The following ANTXR1 variants were observed in gnomAD, a reference collection of about 807,000 sequenced individuals.
ANTXR1 encodes anthrax toxin receptor 1.
ANTXR1 carries 19 observed loss-of-function variants against 78.1 expected under a neutral mutation model. That is an observed-to-expected ratio of 0.24 (90% confidence interval 0.17 to 0.36). The LOEUF (loss-of-function observed/expected upper bound fraction) is 0.36, where lower values mean the gene tolerates loss of function less well. Among genes scored for constraint, ANTXR1 ranks in the 10% least tolerant of loss-of-function variants. ANTXR1 has a pLI of 1.00. For synonymous variants in ANTXR1, 273 were observed against 260.5 expected (o/e 1.05, Z -0.46); for missense variants, 518 against 718.6 (o/e 0.72, Z 3.19).
intron 1 of ANTXR1, among the ~76,000 whole-genome samples, chr2:69,029,731 G>A (rs1671471227): frequency 6.6e-6 from 1 of 151,852 alleles, no homozygotes; most frequent in Non-Finnish European, 1.5e-5. Flanking sequence ...TTTTAAAATT[G>A]TATTACTTAC....
chr2:69,055,214 G>A (rs1379725567), intron 3 of ANTXR1, among the ~76,000 whole-genome samples: 1 of 152,162 alleles, frequency 6.6e-6, no homozygotes. Flanking sequence ...GTGATTCAAA[G>A]GGTGAGTCCC....
At chr2:69,031,853 C>T (rs1671537849) in intron 1 of ANTXR1, among the ~76,000 whole-genome samples, 1 of 152,208 alleles carries the variant, frequency 6.6e-6, no homozygotes, top group Admixed American at 6.5e-5. Flanking sequence ...AACTTTTTCC[C>T]CTTTTCTGCA....
intron 13 of ANTXR1, among the ~76,000 whole-genome samples, chr2:69,167,611 T>G (rs1355857080): frequency 3.3e-5 from 5 of 152,186 alleles, no homozygotes; most frequent in Non-Finnish European, 7.4e-5. Context: ...TGCCATCCTG[T>G]GGTGAGCTGC....
rs1676014001 is a variant in ANTXR1 at position 69,246,044 on chromosome 2, C to G, written c.*559C>G. The G allele has an allele frequency of 6.5e-6, 1 of 152,682 alleles. No individual in the cohort carries two copies. The highest frequency in any genetic ancestry group is 2.4e-5 in the African/African-American group (1 of 41,456). The allele number at this position is 152,682 out of a possible 1,614,324, so 9.5% of individuals were successfully genotyped here. On this transcript the variant is annotated 3_prime_UTR_variant, in exon 18 of 18. Coordinates refer to ENST00000303714, the MANE Select transcript of ANTXR1 (RefSeq NM_032208.3). ...TCAGACGGGTATGCAGAAGGATGTT[C>G]TTCTGGGATTTGCAGGTACATAAAA...
intron 9 of ANTXR1, among the ~76,000 whole-genome samples, chr2:69,093,252 T>C (rs535016009): frequency 6.6e-6 from 1 of 152,356 alleles, no homozygotes; most frequent in South Asian, 2.1e-4. Flanking sequence ...CTTGCCTATT[T>C]GACCCTTATT....
intron 1 of ANTXR1, among the ~76,000 whole-genome samples, chr2:69,030,569 A>T (rs1381561178): frequency 6.6e-6 from 1 of 152,204 alleles, no homozygotes; most frequent in African/African-American, 2.4e-5. Flanking sequence ...AGATAACTCC[A>T]ATTTTTTTGA....
chr2:69,189,034 T>C (rs535679150), intron 16 of ANTXR1, among the ~76,000 whole-genome samples: 14 of 152,270 alleles, frequency 9.2e-5, no homozygotes, highest in Non-Finnish European at 1.6e-4. Flanking sequence ...CTGTTTTTTC[T>C]AAAGCTTACT....
chr2:69,195,058 CT>C (rs1674636746), intron 17 of ANTXR1, among the ~76,000 whole-genome samples: 1 of 151,568 alleles, frequency 6.6e-6, no homozygotes, highest in African/African-American at 2.4e-5. Flanking sequence ...ATCCCAGCTA[CT>C]TGGGAGGTTG....
chr2:69,134,690 G>T (rs752059281), intron 12 of ANTXR1, among the ~76,000 whole-genome samples: 6 of 152,164 alleles, frequency 3.9e-5, no homozygotes, highest in Admixed American at 3.3e-4. Flanking sequence ...TCTTGAAAAT[G>T]AATCTAAGAG....
intron 17 of ANTXR1, among the ~76,000 whole-genome samples, chr2:69,211,737 T>C (rs1372367482): frequency 1.3e-5 from 2 of 152,234 alleles, no homozygotes; most frequent in African/African-American, 4.8e-5. Flanking sequence ...TAACAGTCTG[T>C]GAAAGGCACT....
chr2:69,124,434 C>G (rs1436828297), intron 11 of ANTXR1, 131 bp from the exon 12 acceptor site: 1 of 811,954 alleles, frequency 1.2e-6, no homozygotes, highest in Non-Finnish European at 2.2e-6. Flanking sequence ...GACCCCTCCT[C>G]CCCTGGAGAA....
intron 17 of ANTXR1, among the ~76,000 whole-genome samples, chr2:69,237,122 T>C (rs1296663062): frequency 2.6e-5 from 4 of 152,242 alleles, no homozygotes; most frequent in Non-Finnish European, 5.9e-5. Context: ...GATGCCATTT[T>C]TATTTCTACC....
chr2:69,180,443 C>G (rs1404256594), intron 14 of ANTXR1, among the ~76,000 whole-genome samples: 1 of 152,232 alleles, frequency 6.6e-6, no homozygotes, highest in Non-Finnish European at 1.5e-5. Context: ...CTCCCCACAA[C>G]AAGAATAATT....
rs78207120 is a variant in ANTXR1 at position 69,053,994 on chromosome 2, A to G, written c.296+9181A>G. 0.016 allele frequency among the ~76,000 whole-genome samples: 2,365 copies of G among 152,268 alleles called. 91 individuals are homozygous for G. In the East Asian group the frequency reaches 0.16, roughly 10 times the overall value. On this transcript the variant is annotated intron_variant, in intron 3 of 17. Transcript: ENST00000303714. ...GGAAGCCACCAATATGTGTATGTAC[A>G]TATATATGCATATGTACATATATAT...
At chr2:69,228,283 G>A (rs1049469768) in intron 17 of ANTXR1, among the ~76,000 whole-genome samples, 3 of 152,186 alleles carry the variant, frequency 2.0e-5, no homozygotes, top group African/African-American at 7.2e-5. Flanking sequence ...GGAAGAAATA[G>A]AGACATGGAA....
rs912142607 is a variant in ANTXR1, at chr2:69,145,834, C to T, written c.952-6335C>T. On this transcript the variant is annotated intron_variant, in intron 12 of 17. Transcript: ENST00000303714. ...TCTCTCCCATTATAGGGCAAACAAG[C>T]CCTGGCAAGATATTTCACTCCCGCC... The T allele has an allele frequency of 3.0e-5, 30 of 987,528 alleles. No individual in the cohort carries two copies. The African/African-American group carries it at 5.2e-4, about 17-fold the overall frequency. The allele number at this position is 987,528 out of a possible 1,614,324, so 61.2% of individuals were successfully genotyped here. A position where few individuals can be genotyped will look rare whatever the true frequency, so the allele number is the denominator to read the frequency against.
chr2:69,239,198 A>G (rs1675840602), intron 17 of ANTXR1, among the ~76,000 whole-genome samples: 1 of 152,270 alleles, frequency 6.6e-6, no homozygotes, highest in African/African-American at 2.4e-5. Context: ...ACTAATTAGT[A>G]TAAAGAAATG....
At chr2:69,192,922 C>CCAGAAT (rs1409219164) in intron 16 of ANTXR1, among the ~76,000 whole-genome samples, 1 of 143,246 alleles carries the variant, frequency 7.0e-6, no homozygotes, top group Non-Finnish European at 1.5e-5. Flanking sequence ...TAGTAATTTT[C>CCAGAAT]CAGAATTTAT....
chr2:69,045,855 T>C (rs4618092), intron 3 of ANTXR1, among the ~76,000 whole-genome samples: 38,796 of 151,982 alleles, frequency 0.26, 7,550 homozygotes, highest in East Asian at 0.67. Context: ...TCTGATCCCT[T>C]ATTAACAGAA....
Sources: allele counts gnomAD v4.1 joint callset (sites outside exome capture counted in the v4.1 genomes callset), GRCh38; gene constraint gnomAD v4.1.1; transcripts MANE v1.5; gene names NCBI Gene and HGNC (gene_info 2026-07-23, HGNC 2026-07-21).